MMP11: variants seen among roughly 807,000 people sequenced by gnomAD.
MMP11 encodes matrix metallopeptidase 11, also known as stromelysin-3.
In MMP11, 26 loss-of-function variants were observed where a neutral mutation model predicts 49.5. The ratio of observed to expected loss-of-function variants is 0.52; its 90% confidence interval spans 0.38 to 0.73. The LOEUF (loss-of-function observed/expected upper bound fraction) is 0.73. Among genes scored for constraint, MMP11 ranks in the 30% least tolerant of loss-of-function variants. The pLI is 0.00. For synonymous variants in MMP11, 265 were observed against 282.3 expected (o/e 0.94, Z 0.62); for missense variants, 624 against 671.2 (o/e 0.93, Z 0.78).
In MMP11 at chr22:23,780,138, A is replaced by G; in HGVS notation, c.339-221A>G. On this transcript the variant is annotated intron_variant, in intron 2 of 7. Transcript: ENST00000215743. This position sits in a 1 kb window ranked among gnomAD's most constrained non-coding sequence, Gnocchi z 4.6. ...GGGACCCCTGGTCCTGGTTCTTTCC[A>G]CTGAATTCAGACACTTGTATTTGCC... 1.7e-6 allele frequency: 1 copy of G among 598,900 alleles called. No individual in the cohort carries two copies. Among genetic ancestry groups the G allele is most frequent in the Non-Finnish European group, 2.9e-6 (1 of 341,832 alleles). The allele number at this position is 598,900 out of a possible 1,614,324, so 37.1% of individuals were successfully genotyped here. A position where few individuals can be genotyped will look rare whatever the true frequency, so the allele number is the denominator to read the frequency against.
chr22:23,775,163 T>C (rs1927366513), intron 1 of MMP11, among the ~76,000 whole-genome samples: 5 of 152,128 alleles, frequency 3.3e-5, no homozygotes, highest in Admixed American at 6.5e-5. Flanking sequence ...GCCCTGGAGG[T>C]GGGAGGCATG....
At position 23,780,174 on chromosome 22, in the gene MMP11, C is replaced by T. The variant is rs56238951; in HGVS notation, c.339-185C>T. 3.5e-5 allele frequency: 24 copies of T among 683,606 alleles called. No individual in the cohort carries two copies. Among genetic ancestry groups the T allele is most frequent in the Non-Finnish European group, 5.8e-5 (24 of 410,376 alleles). The allele number at this position is 683,606 out of a possible 1,614,324, so 42.3% of individuals were successfully genotyped here. ...ACACTTGTATTTGCCTAAGTATGAG[C>T]AAACCACATACACATGTGCCCATGT... On this transcript the variant is annotated intron_variant, in intron 2 of 7. Transcript: ENST00000215743. This position sits in a 1 kb window ranked among gnomAD's most constrained non-coding sequence, Gnocchi z 4.6.
At chr22:23,773,098 C>T in intron 1 of MMP11, 120 bp downstream of exon 1, 1 of 1,029,702 alleles carries the variant, frequency 9.7e-7, no homozygotes, top group East Asian at 7.1e-5. Context: ...GCCCGGTACC[C>T]GAAACGCTTT....
chr22:23,781,926 G>A (rs899771950), intron 6 of MMP11: 1 of 667,252 alleles, frequency 1.5e-6, no homozygotes, highest in African/African-American at 1.8e-5. Context: ...CCAGGGAGTG[G>A]TCAGTAGGCA....
Position 23,779,287 on chromosome 22 carries a change from G to C in MMP11, c.209G>C (p.Arg70Pro), listed in dbSNP as rs141794324. 6.2e-7 allele frequency: 1 copy of C among 1,610,368 alleles called. No homozygotes were observed. Among genetic ancestry groups the C allele is most frequent in the East Asian group, 2.2e-5 (1 of 44,822 alleles). The change falls in exon 2 of 8, where the codon CGG becomes CCG. Residue 70 changes from arginine to proline, a missense_variant. Arg to Pro is a moderately radical substitution (Grantham distance 103, BLOSUM62 -2). Transcript: ENST00000215743. Reference protein sequence around the residue: ...APAPATQEAPRPASSLRPPRC... With the variant: ...APAPATQEAPPPASSLRPPRC... ...GCCCCTGCCACGCAGGAAGCCCCCC[G>C]GCCTGCCAGCAGCCTCAGGCCTCCC...
chr22:23,773,129 TAGAC>T (rs1168968258), intron 1 of MMP11, 151 bp downstream of exon 1: 6 of 959,422 alleles, frequency 6.3e-6, no homozygotes, highest in Middle Eastern at 4.7e-4. Context: ...CTAGGCGTGA[TAGAC>T]AGCGAGCTTG....
chr22:23,780,731 C>G lies in MMP11; in HGVS notation c.616+16C>G, dbSNP rs543341955. 23 of 1,546,138 alleles carry G rather than the reference C, an allele frequency of 1.5e-5. No individual in the cohort carries two copies. Among genetic ancestry groups the G allele is most frequent in the Non-Finnish European group, 1.9e-5 (22 of 1,149,050 alleles). ...GATGACCAGGGTATGGGCTGGGGAC[C>G]CATTTTCCAGATGGGGCAACCGAAG... On this transcript the variant is annotated intron_variant, in intron 4 of 7. Coordinates refer to ENST00000215743, the MANE Select transcript of MMP11 (RefSeq NM_005940.5). This position sits in a 1 kb window ranked among gnomAD's most constrained non-coding sequence, Gnocchi z 4.6.
intron 1 of MMP11, among the ~76,000 whole-genome samples, chr22:23,774,487 C>T (rs907125139): frequency 3.3e-5 from 5 of 152,168 alleles, no homozygotes; most frequent in African/African-American, 1.2e-4. Flanking sequence ...CAGTTCCCAG[C>T]TTTCAGGGTT....
At chr22:23,774,414 A>C (rs528292151) in intron 1 of MMP11, among the ~76,000 whole-genome samples, 33 of 152,140 alleles carry the variant, frequency 2.2e-4, no homozygotes, top group Non-Finnish European at 3.7e-4. Context: ...GTCACCTCTG[A>C]TGTGTTTATC....
intron 7 of MMP11, 40 bp downstream of exon 7, chr22:23,782,523 G>A: frequency 6.4e-7 from 1 of 1,566,126 alleles, no homozygotes; most frequent in South Asian, 1.1e-5. Context: ...GGTGGGCACA[G>A]CAGCCGCTTC....
Position 23,782,379 on chromosome 22 carries a change from G to GT in MMP11, c.1232dup (p.His412ProfsTer17). ...TTCTTCCGAGGCAGGGACTACTGGC[G>GT]TTTCCACCCCAGCACCCGGCGTGTA... On this transcript the variant is annotated frameshift_variant, in exon 7 of 8. Coordinates refer to ENST00000215743, the MANE Select transcript of MMP11 (RefSeq NM_005940.5). LOFTEE classifies it high-confidence loss of function. The GT allele has an allele frequency of 6.2e-7, 1 of 1,613,964 alleles. No individual in the cohort carries two copies. The highest frequency in any genetic ancestry group is 8.5e-7 in the Non-Finnish European group (1 of 1,180,012).
intron 1 of MMP11, among the ~76,000 whole-genome samples, chr22:23,774,484 C>G (rs1927341906): frequency 6.6e-6 from 1 of 152,164 alleles, no homozygotes; most frequent in African/African-American, 2.4e-5. Context: ...GCCCAGTTCC[C>G]AGCTTTCAGG....
chr22:23,773,416 A>T (rs1927305269), intron 1 of MMP11, among the ~76,000 whole-genome samples: 1 of 152,090 alleles, frequency 6.6e-6, no homozygotes, highest in Admixed American at 6.5e-5. Context: ...CGGTGGGATG[A>T]AGGATAAAGG....
rs1927595920 is a variant in MMP11 at position 23,780,887 on chromosome 22, T to C, written c.645T>C (p.His215=). 1 of 1,613,930 alleles carries C rather than the reference T, an allele frequency of 6.2e-7. No homozygotes were observed. Among genetic ancestry groups the C allele is most frequent in the Non-Finnish European group, 8.5e-7 (1 of 1,179,976 alleles). Residue 215 remains histidine, a synonymous_variant, in exon 5 of 8, where the codon CAT becomes CAC. Coordinates refer to ENST00000215743, the MANE Select transcript of MMP11 (RefSeq NM_005940.5). The surrounding 1 kb of genome is among the most constrained non-coding windows in gnomAD (Gnocchi z 4.6). ...QGTDLLQVAA[H]EFGHVLGLQH... is the part of the protein sequence containing the mutation. ...CAGACCTGCTGCAGGTGGCAGCCCATGAATTTGGCCACGTGCTGGGGCTGC... is the reference window on the plus strand; with the variant it reads ...CAGACCTGCTGCAGGTGGCAGCCCACGAATTTGGCCACGTGCTGGGGCTGC...
intron 1 of MMP11, among the ~76,000 whole-genome samples, chr22:23,778,662 G>A (rs532612046): frequency 3.3e-4 from 51 of 152,324 alleles, no homozygotes; most frequent in African/African-American, 1.2e-3. Flanking sequence ...GGCTACAGCC[G>A]CTCCACACTG....
In MMP11 at chr22:23,779,331, C is replaced by A; in HGVS notation, c.253C>A (p.Pro85Thr). The change falls in exon 2 of 8, where the codon CCA (proline) becomes ACA (threonine). Residue 85 changes from proline to threonine, a missense_variant. Coordinates refer to ENST00000215743, the MANE Select transcript of MMP11 (RefSeq NM_005940.5). ...LRPPRCGVPD[P>T]SDGLSARNRQ... Reference sequence around the variant, plus strand: ...GCCTCCCCGCTGTGGCGTGCCCGACCCATCTGATGGGCTGAGTGCCCGCAA... The same window carrying A: ...GCCTCCCCGCTGTGGCGTGCCCGACACATCTGATGGGCTGAGTGCCCGCAA... 6.2e-7 allele frequency: 1 copy of A among 1,612,988 alleles called. No individual in the cohort carries two copies. Among genetic ancestry groups the A allele is most frequent in the Non-Finnish European group, 8.5e-7 (1 of 1,179,934 alleles).
chr22:23,782,805 C>T (rs1927690041), intron 7 of MMP11, among the ~76,000 whole-genome samples: 1 of 152,174 alleles, frequency 6.6e-6, no homozygotes, highest in African/African-American at 2.4e-5. Flanking sequence ...GAACAGCCCT[C>T]TGATGTGACA....
intron 1 of MMP11, among the ~76,000 whole-genome samples, chr22:23,776,861 G>T (rs1029065235): frequency 6.7e-6 from 1 of 149,922 alleles, no homozygotes; most frequent in Non-Finnish European, 1.5e-5. Flanking sequence ...AGGCTGGAGT[G>T]CTGTGGCACG....
At position 23,782,279 on chromosome 22, in the gene MMP11, C is replaced by G; in HGVS notation, c.1129C>G (p.Leu377Val). 1 of 1,613,870 alleles carries G rather than the reference C, an allele frequency of 6.2e-7. No homozygotes were observed. The highest frequency in any genetic ancestry group is 8.5e-7 in the Non-Finnish European group (1 of 1,180,014). Residue 377 changes from leucine to valine, a missense_variant, in exon 7 of 8, where the codon CTC becomes GTC. Coordinates refer to ENST00000215743, the MANE Select transcript of MMP11 (RefSeq NM_005940.5). ...GEKPVLGPAP[L>V]TELGLVRFPV... is the part of the protein sequence containing the mutation. ...AAAGCCAGTCCTGGGCCCCGCACCC[C>G]TCACCGAGCTGGGCCTGGTGAGGTT...
Sources: gnomAD v4.1 joint callset for allele counts (sites outside exome capture counted in the v4.1 genomes callset) on GRCh38, gnomAD v4.1.1 for gene constraint, Gnocchi (gnomAD v3.1) non-coding constraint, MANE v1.5 for transcripts, NCBI Gene and HGNC (gene_info 2026-07-23, HGNC 2026-07-21) for gene names.